Variants in RIT2 observed in about 807,000 individuals in gnomAD.
The protein encoded by RIT2 is GTP-binding protein Rit2.
A neutral mutation model predicts 23.7 loss-of-function variants in RIT2; 24 were observed. The ratio of observed to expected loss-of-function variants is 1.01; its 90% confidence interval spans 0.73 to 1.43. The LOEUF is 1.43. Among genes scored for constraint, RIT2 ranks in the 40% most tolerant of loss-of-function variants. The probability of loss-of-function intolerance (pLI) is 0.00; values close to 1 mark genes in which losing one functional copy is unlikely to be tolerated. For missense variants in RIT2, 236 were observed against 266.9 expected, an observed-to-expected ratio of 0.88 and a Z score of 0.81; for synonymous variants, 107 against 91.1, an observed-to-expected ratio of 1.17 and a Z score of -0.99.
intron 4 of RIT2, among the ~76,000 whole-genome samples, chr18:42,820,296 C>T (rs562118400): frequency 2.2e-4 from 33 of 152,046 alleles, no homozygotes; most frequent in African/African-American, 8.0e-4. Context: ...TGTAGATATA[C>T]AGATGAACAT....
At chr18:43,056,446 A>C (rs1331657786) in intron 1 of RIT2, among the ~76,000 whole-genome samples, 1 of 152,118 alleles carries the variant, frequency 6.6e-6, no homozygotes, top group Admixed American at 6.6e-5. Context: ...ATTATTGGGA[A>C]GCTTCCAGGA....
At chr18:43,025,248 A>C (rs965773449) in intron 2 of RIT2, among the ~76,000 whole-genome samples, 14 of 149,950 alleles carry the variant, frequency 9.3e-5, no homozygotes, top group East Asian at 4.0e-4. Flanking sequence ...AAAAAAAAAA[A>C]CAGGCAGCAA....
At chr18:42,930,788 T>A (rs1217501147) in intron 3 of RIT2, among the ~76,000 whole-genome samples, 1 of 152,114 alleles carries the variant, frequency 6.6e-6, no homozygotes, top group African/African-American at 2.4e-5. Flanking sequence ...TGTGACAGAT[T>A]CAGGGGGCAA....
chr18:42,961,625 A>C (rs1296215694), intron 3 of RIT2, among the ~76,000 whole-genome samples: 5 of 152,194 alleles, frequency 3.3e-5, no homozygotes, highest in Non-Finnish European at 7.3e-5. Flanking sequence ...AAATAATCAC[A>C]TTGATCCATT....
intron 2 of RIT2, among the ~76,000 whole-genome samples, chr18:43,013,675 T>C (rs184390771): frequency 8.8e-4 from 133 of 151,892 alleles, no homozygotes; most frequent in African/African-American, 3.0e-3. Context: ...TCTGAGAACA[T>C]TGTTTTTGGC....
At chr18:42,775,467 C>T (rs1439169600) in intron 4 of RIT2, among the ~76,000 whole-genome samples, 8 of 151,942 alleles carry the variant, frequency 5.3e-5, no homozygotes, top group African/African-American at 1.2e-4. Context: ...GAGGCCGAGG[C>T]AGGCGGATCA....
At chr18:42,920,296 A>G (rs941215683) in intron 4 of RIT2, among the ~76,000 whole-genome samples, 1 of 152,180 alleles carries the variant, frequency 6.6e-6, no homozygotes, top group Non-Finnish European at 1.5e-5. Context: ...TTAAGTCAGA[A>G]TACACTGGGT....
rs115630263 is a variant in RIT2 at position 43,065,287 on chromosome 18, G to A, written c.104-31420C>T. On this transcript the variant is annotated intron_variant, in intron 1 of 4. Coordinates refer to ENST00000326695, the MANE Select transcript of RIT2 (RefSeq NM_002930.4). ...TGTTGCCCAGGTTGGAGTGCAGTGT[G>A]GCACACAATTATAGCTCACTGTAGT... is the stretch of plus-strand genomic sequence containing the variant. 3.3e-3 allele frequency among the ~76,000 whole-genome samples: 459 copies of A among 140,786 alleles called. 2 individuals are homozygous for A. The highest frequency in any genetic ancestry group is 0.012 in the African/African-American group (441 of 37,838). The allele number at this position is 140,786 out of a possible 152,430, so 92.4% of individuals were successfully genotyped here.
At chr18:43,026,226 G>C (rs1366360417) in intron 2 of RIT2, among the ~76,000 whole-genome samples, 1 of 151,882 alleles carries the variant, frequency 6.6e-6, no homozygotes, top group Non-Finnish European at 1.5e-5. Context: ...AAAGGTTTTA[G>C]GTATGAGAAC....
rs562557930 is a variant in RIT2 at position 43,100,233 on chromosome 18, G to C, written c.103+15184C>G. Among the ~76,000 whole-genome samples the C allele has an allele frequency of 3.9e-5, 6 of 152,176 alleles. No individual in the cohort carries two copies. In the East Asian group the frequency reaches 1.2e-3, roughly 29 times the overall value. On this transcript the variant is annotated intron_variant, in intron 1 of 4. Coordinates refer to ENST00000326695, the MANE Select transcript of RIT2 (RefSeq NM_002930.4). ...CAATAGGAGAGAGATGCTTGAAAAA[G>C]ATAGAGTAAGCCAAGCAGATATCTG...
chr18:42,799,816 C>A (rs1013731160), intron 4 of RIT2, among the ~76,000 whole-genome samples: 1 of 152,216 alleles, frequency 6.6e-6, no homozygotes, highest in African/African-American at 2.4e-5. Flanking sequence ...CTTAGCTTTT[C>A]TTTTGACAAT....
chr18:43,105,765 G>A (rs977820443), intron 1 of RIT2, among the ~76,000 whole-genome samples: 5 of 152,144 alleles, frequency 3.3e-5, no homozygotes, highest in African/African-American at 1.2e-4. Flanking sequence ...GCCAGGCTAT[G>A]TAATTAATAT....
At chr18:43,101,065 A>G (rs1355716799) in intron 1 of RIT2, among the ~76,000 whole-genome samples, 2 of 151,964 alleles carry the variant, frequency 1.3e-5, no homozygotes, top group African/African-American at 2.4e-5. Context: ...GTATATATAT[A>G]TATCTATATA....
chr18:43,095,190 CG>C (rs1568080844), intron 1 of RIT2, among the ~76,000 whole-genome samples: 1 of 151,994 alleles, frequency 6.6e-6, no homozygotes, highest in Non-Finnish European at 1.5e-5. Context: ...AGTGTAAAAG[CG>C]TTCCTATTTC....
chr18:42,785,448 C>T (rs1913900948), intron 4 of RIT2, among the ~76,000 whole-genome samples: 2 of 146,138 alleles, frequency 1.4e-5, no homozygotes, highest in Non-Finnish European at 1.5e-5. Flanking sequence ...CTTGGCCTCT[C>T]TTTTTTTTTT....
intron 1 of RIT2, among the ~76,000 whole-genome samples, chr18:43,052,202 A>G (rs1157814239): frequency 6.6e-6 from 1 of 152,108 alleles, no homozygotes; most frequent in East Asian, 1.9e-4. Flanking sequence ...GAATTAACTT[A>G]TATTATGTAT....
chr18:43,090,492 C>A (rs1396976204), intron 1 of RIT2, among the ~76,000 whole-genome samples: 1 of 152,058 alleles, frequency 6.6e-6, no homozygotes. Flanking sequence ...ATAAGAACAC[C>A]ATTTGACCCA....
At chr18:43,012,844 A>C (rs1179806535) in intron 2 of RIT2, among the ~76,000 whole-genome samples, 1 of 151,800 alleles carries the variant, frequency 6.6e-6, no homozygotes, top group African/African-American at 2.4e-5. Context: ...CCAAAAAGTT[A>C]AGTGGCCTGC....
intron 4 of RIT2, among the ~76,000 whole-genome samples, chr18:42,792,751 C>T (rs1914071734): frequency 6.6e-6 from 1 of 152,106 alleles, no homozygotes; most frequent in Non-Finnish European, 1.5e-5. Context: ...TGTCCTATTC[C>T]ACAGGTTGAC....
Sources: allele counts gnomAD v4.1 joint callset (sites outside exome capture counted in the v4.1 genomes callset), GRCh38; gene constraint gnomAD v4.1.1; transcripts MANE v1.5; gene names NCBI Gene and HGNC (gene_info 2026-07-23, HGNC 2026-07-21).